The following GALNT17 variants were observed in gnomAD, a reference collection of about 807,000 sequenced individuals.
GALNT17 encodes the protein polypeptide N-acetylgalactosaminyltransferase 17, also known as UDP-GalNAc:polypeptide N-acetylgalactosaminyltransferase-like 3.
Under a neutral mutation model 63.7 loss-of-function variants are expected in GALNT17, and 29 were observed. That is an observed-to-expected ratio of 0.46 (90% CI 0.34 to 0.62). The LOEUF (loss-of-function observed/expected upper bound fraction) is 0.62, where lower values mean the gene tolerates loss of function less well. Ranked by LOEUF, GALNT17 falls within the 20% of genes least tolerant of loss-of-function variation. The pLI is 0.01. For missense variants in GALNT17, 603 were observed against 799.6 expected (o/e 0.75, Z 2.97); for synonymous variants, 305 against 318.3 (o/e 0.96, Z 0.45).
Position 71,592,875 on chromosome 7 carries a change from G to A in GALNT17, c.1080+21473G>A, listed in dbSNP as rs188170001. 1.2e-4 allele frequency among the ~76,000 whole-genome samples: 18 copies of A among 152,306 alleles called. No individual in the cohort carries two copies. The East Asian group carries it at 3.1e-3, about 26-fold the overall frequency. ...CTTAAATCAGTTAGGGCTGAGCATA[G>A]TGGCACATTGCCTGTAATCCCAGTG... On this transcript the variant is annotated intron_variant, in intron 6 of 10. Coordinates refer to ENST00000333538, the MANE Select transcript of GALNT17 (RefSeq NM_022479.3).
rs538463909 is a variant in GALNT17 at position 71,169,953 on chromosome 7, C to G, written c.238+36913C>G. Reference sequence around the variant, plus strand: ...CCCTTTCTTAGTATTAAATTGATAACACTTTATCTTACCTTCATCATTTTT... The same window carrying G: ...CCCTTTCTTAGTATTAAATTGATAAGACTTTATCTTACCTTCATCATTTTT... On this transcript the variant is annotated intron_variant, in intron 1 of 10. Coordinates refer to ENST00000333538, the MANE Select transcript of GALNT17 (RefSeq NM_022479.3). Among the ~76,000 whole-genome samples the G allele has an allele frequency of 3.5e-4, 53 of 151,892 alleles. 1 individual carries two copies. Among genetic ancestry groups the G allele is most frequent in the South Asian group, 6.3e-4 (3 of 4,794 alleles).
intron 5 of GALNT17, among the ~76,000 whole-genome samples, chr7:71,567,349 C>T (rs1789366008): frequency 1.3e-5 from 2 of 152,218 alleles, no homozygotes; most frequent in Admixed American, 1.3e-4. Flanking sequence ...CACAGAAGGG[C>T]ACCTCCCAGT....
intron 5 of GALNT17, among the ~76,000 whole-genome samples, chr7:71,512,518 C>T (rs1003369764): frequency 3.9e-5 from 6 of 152,138 alleles, no homozygotes; most frequent in African/African-American, 7.2e-5. Flanking sequence ...TTTGAAAAAC[C>T]GCTTCAGTCA....
At chr7:71,473,203 AGG>A (rs1787669816) in intron 5 of GALNT17, among the ~76,000 whole-genome samples, 1 of 152,170 alleles carries the variant, frequency 6.6e-6, no homozygotes, top group Non-Finnish European at 1.5e-5. Flanking sequence ...AGTTAAGAAA[AGG>A]GGAGCTGTGG....
chr7:71,699,418 G>A (rs374913854), intron 9 of GALNT17, among the ~76,000 whole-genome samples: 61 of 150,210 alleles, frequency 4.1e-4, no homozygotes, highest in African/African-American at 1.4e-3. Context: ...AGAGGTTGCA[G>A]TGAGCCGAGA....
intron 1 of GALNT17, among the ~76,000 whole-genome samples, chr7:71,328,907 C>A (rs1791754327): frequency 6.6e-6 from 1 of 150,922 alleles, no homozygotes; most frequent in African/African-American, 2.5e-5. Context: ...GTCTTAATTT[C>A]TATACTGTTT....
chr7:71,607,813 T>C (rs1335074712), intron 6 of GALNT17, among the ~76,000 whole-genome samples: 2 of 152,236 alleles, frequency 1.3e-5, no homozygotes, highest in Non-Finnish European at 2.9e-5. Context: ...ACTTTCTCAA[T>C]AGAGTAAACC....
intron 9 of GALNT17, among the ~76,000 whole-genome samples, chr7:71,678,414 C>T (rs1013169392): frequency 2.6e-5 from 4 of 151,770 alleles, no homozygotes; most frequent in Non-Finnish European, 2.9e-5. Flanking sequence ...TGTGAGCTTC[C>T]GCCCTGGGCC....
At chr7:71,217,548 TG>T (rs202242253) in intron 1 of GALNT17, among the ~76,000 whole-genome samples, 16 of 152,052 alleles carry the variant, frequency 1.1e-4, no homozygotes, top group South Asian at 2.1e-4. Flanking sequence ...TTCTTTTTTT[TG>T]TTGTTGTTCT....
At chr7:71,290,106 C>T (rs1790953494) in intron 1 of GALNT17, among the ~76,000 whole-genome samples, 1 of 152,166 alleles carries the variant, frequency 6.6e-6, no homozygotes. Flanking sequence ...GTGTACGATT[C>T]TGTGGATTTT....
At chr7:71,205,081 A>G (rs980529537) in intron 1 of GALNT17, among the ~76,000 whole-genome samples, 2 of 151,184 alleles carry the variant, frequency 1.3e-5, no homozygotes, top group Non-Finnish European at 3.0e-5. Context: ...TTATCAGTGT[A>G]CAGATCTTTT....
chr7:71,370,908 A>C (rs1792609938), intron 2 of GALNT17, among the ~76,000 whole-genome samples: 1 of 150,518 alleles, frequency 6.6e-6, no homozygotes, highest in Admixed American at 6.6e-5. Flanking sequence ...GCCTCGTCTG[A>C]CTTTATGTTT....
At chr7:71,472,966 A>G (rs1394362587) in intron 5 of GALNT17, among the ~76,000 whole-genome samples, 1 of 152,218 alleles carries the variant, frequency 6.6e-6, no homozygotes, top group Non-Finnish European at 1.5e-5. Flanking sequence ...TTGTCAGGTT[A>G]CAGGTTGGCT....
intron 3 of GALNT17, among the ~76,000 whole-genome samples, chr7:71,399,276 G>A (rs916376929): frequency 2.6e-5 from 4 of 152,106 alleles, no homozygotes; most frequent in Non-Finnish European, 4.4e-5. Flanking sequence ...GGAATTTACC[G>A]ATCAGTTTCT....
At chr7:71,517,210 T>G (rs930942279) in intron 5 of GALNT17, among the ~76,000 whole-genome samples, 2 of 152,178 alleles carry the variant, frequency 1.3e-5, no homozygotes, top group Non-Finnish European at 2.9e-5. Context: ...CTGATGGCGC[T>G]CTCTTCTTGG....
At chr7:71,638,376 C>T (rs1790558056) in intron 6 of GALNT17, among the ~76,000 whole-genome samples, 1 of 152,190 alleles carries the variant, frequency 6.6e-6, no homozygotes, top group Non-Finnish European at 1.5e-5. Context: ...TAGGTCTCAG[C>T]TTTATCTTAC....
intron 5 of GALNT17, among the ~76,000 whole-genome samples, chr7:71,507,260 T>G (rs1259041823): frequency 6.6e-6 from 1 of 152,072 alleles, no homozygotes; most frequent in Non-Finnish European, 1.5e-5. Context: ...GTAAATAAAA[T>G]AAAAGGCACA....
At chr7:71,399,499 C>T (rs867834422) in intron 3 of GALNT17, among the ~76,000 whole-genome samples, 1 of 152,182 alleles carries the variant, frequency 6.6e-6, no homozygotes, top group African/African-American at 2.4e-5. Context: ...CTAGCTTCCT[C>T]AATTTCATGG....
intron 1 of GALNT17, among the ~76,000 whole-genome samples, chr7:71,306,338 A>G (rs1185547538): frequency 6.6e-6 from 1 of 152,208 alleles, no homozygotes; most frequent in Non-Finnish European, 1.5e-5. Context: ...TTTGGGCAAC[A>G]GAACTGTTTT....
Sources: allele counts gnomAD v4.1 joint callset (sites outside exome capture counted in the v4.1 genomes callset), GRCh38; gene constraint gnomAD v4.1.1; transcripts MANE v1.5; gene names NCBI Gene and HGNC (gene_info 2026-07-23, HGNC 2026-07-21).